Variants in DNAI3 observed in about 807,000 individuals in gnomAD.
DNAI3 encodes dynein axonemal intermediate chain 3.
Under a neutral mutation model 115.5 loss-of-function variants are expected in DNAI3, and 83 were observed. That is an observed-to-expected ratio of 0.72 (90% CI 0.60 to 0.86). The LOEUF (loss-of-function observed/expected upper bound fraction) is 0.86, where lower values mean the gene tolerates loss of function less well. DNAI3 is among the 40% of genes least tolerant of loss of function. The pLI, the probability that DNAI3 is intolerant of heterozygous loss-of-function variation, is 0.00. For synonymous variants in DNAI3, 320 were observed against 347.0 expected, an observed-to-expected ratio of 0.92 and a Z score of 0.86; for missense variants, 1,004 against 1,075.8, an observed-to-expected ratio of 0.93 and a Z score of 0.93.
chr1:85,092,597 T>C (rs1235438608), intron 8 of DNAI3, among the ~76,000 whole-genome samples: 1 of 152,172 alleles, frequency 6.6e-6, no homozygotes, highest in African/African-American at 2.4e-5. Context: ...GTAACTACTT[T>C]AAGACAGGAG....
intron 10 of DNAI3, 67 bp downstream of exon 10, chr1:85,094,622 G>GT (rs1467029590): frequency 6.4e-7 from 1 of 1,561,782 alleles, no homozygotes; most frequent in African/African-American, 1.4e-5. Flanking sequence ...ACCTTTAGCA[G>GT]TTTTTATTGC....
intron 21 of DNAI3, 133 bp downstream of exon 21, chr1:85,128,932 A>T: frequency 2.6e-6 from 2 of 755,456 alleles, no homozygotes; most frequent in Non-Finnish European, 4.3e-6. Context: ...AAATAAGAGG[A>T]TGTATTTCTG....
rs1239354654 is a variant in DNAI3 at position 85,132,924 on chromosome 1, C to G, written c.2602C>G (p.Leu868Val). The change falls in exon 23 of 23, where the codon CTG (leucine) becomes GTG (valine). Residue 868 changes from leucine to valine, a missense_variant. Physicochemically the swap from Leu to Val is conservative, Grantham distance 32 (BLOSUM62 1). Transcript: ENST00000294664. ...LKMDYESYLE[L>V]EKTVLINLGL... ...AATGGACTATGAGAGTTATCTGGAA[C>G]TGGAAAAGACTGTTCTTATCAACCT... is the stretch of plus-strand genomic sequence containing the variant. 6.2e-7 allele frequency: 1 copy of G among 1,613,762 alleles called. No homozygotes were observed. Among genetic ancestry groups the G allele is most frequent in the Non-Finnish European group, 8.5e-7 (1 of 1,179,928 alleles).
At chr1:85,097,302 G>A (rs913290629) in intron 11 of DNAI3, among the ~76,000 whole-genome samples, 2 of 152,122 alleles carry the variant, frequency 1.3e-5, no homozygotes, top group Non-Finnish European at 2.9e-5. Context: ...AAAGGGAATT[G>A]CATGACATTT....
rs66928964 is a variant in DNAI3 at position 85,112,056 on chromosome 1, C to CT, written c.1786+1932dup. Among the ~76,000 whole-genome samples, 760 of 148,606 alleles carry CT rather than the reference C, an allele frequency of 5.1e-3. 9 individuals carry two copies. Among genetic ancestry groups the CT allele is most frequent in the African/African-American group, 0.018 (709 of 40,290 alleles). The stretch of plus-strand genomic sequence containing the variant: ...TTATGTAAATCATACAGTATATACT[C>CT]TTTTTTTTTTTAAGAGATGGGGGCT... On this transcript the variant is annotated intron_variant, in intron 16 of 22. Transcript: ENST00000294664.
intron 21 of DNAI3, among the ~76,000 whole-genome samples, chr1:85,129,257 A>G (rs1442596878): frequency 6.6e-6 from 1 of 152,222 alleles, no homozygotes; most frequent in Non-Finnish European, 1.5e-5. Context: ...CCACCACCCA[A>G]GTGTTTCAAA....
rs905531059 is a variant in DNAI3 at position 85,126,378 on chromosome 1, A to T, written c.2113-133A>T. 2.5e-5 allele frequency: 22 copies of T among 889,280 alleles called. No homozygotes were observed. In the Admixed American group the frequency reaches 3.7e-4, roughly 15 times the overall value. 55.1% of individuals were successfully genotyped at this position (889,280 alleles called of 1,614,324 possible). On this transcript the variant is annotated intron_variant, in intron 19 of 22. Transcript: ENST00000294664. ...AAACCCTACAACAAAGAGAAGTAAG[A>T]CTTCCTGTGGGCATAATTTTGTTGT... is the stretch of plus-strand genomic sequence containing the variant.
intron 3 of DNAI3, among the ~76,000 whole-genome samples, chr1:85,080,034 CT>C (rs1654582373): frequency 7.5e-6 from 1 of 133,080 alleles, no homozygotes; most frequent in Non-Finnish European, 1.6e-5. Flanking sequence ...AGTTTCTTTT[CT>C]TTTTCTTTTT....
rs200151954 is a variant in DNAI3, at chr1:85,094,446, C to T, written c.1064C>T (p.Ser355Leu). The change falls in exon 10 of 23, where the codon TCG becomes TTG. Residue 355 changes from serine to leucine, a missense_variant. This residue lies in a region of DNAI3 where 550 missense variants were observed against 568.1 expected (regional missense o/e 0.97). Coordinates refer to ENST00000294664, the MANE Select transcript of DNAI3 (RefSeq NM_145172.5). ...HPTIYGLIAV[S>L]VAVRLSFEDR... is the part of the protein sequence containing the mutation. ...TTTCCATCAGGGCTAATAGCTGTGT[C>T]GGTAGCCGTGCGACTTTCTTTTGAA... 1.2e-5 allele frequency: 19 copies of T among 1,614,002 alleles called. No individual in the cohort carries two copies. The highest frequency in any genetic ancestry group is 8.0e-5 in the African/African-American group (6 of 74,914).
At chr1:85,076,655 G>T (rs567517932) in intron 3 of DNAI3, among the ~76,000 whole-genome samples, 2 of 152,222 alleles carry the variant, frequency 1.3e-5, no homozygotes, top group Admixed American at 1.3e-4. Flanking sequence ...AAACCATCAG[G>T]TCTCATGAGA....
chr1:85,072,123 C>A, intron 2 of DNAI3, 118 bp downstream of exon 2: 1 of 979,924 alleles, frequency 1.0e-6, no homozygotes, highest in Non-Finnish European at 1.5e-6. Flanking sequence ...GACATAAAGT[C>A]AAATGTATGA....
At chr1:85,099,506 G>A (rs1196214326) in intron 13 of DNAI3, 2 of 153,728 alleles carry the variant, frequency 1.3e-5, no homozygotes, top group Non-Finnish European at 2.9e-5. Context: ...AACATTCCAT[G>A]CTCATGGATA....
chr1:85,128,356 T>C (rs528191766), intron 20 of DNAI3, among the ~76,000 whole-genome samples: 65 of 152,280 alleles, frequency 4.3e-4, no homozygotes, highest in African/African-American at 1.4e-3. Context: ...TTGAAAATCT[T>C]TCCATGTGTT....
intron 7 of DNAI3, among the ~76,000 whole-genome samples, chr1:85,086,864 G>A (rs560295099): frequency 6.6e-6 from 1 of 152,012 alleles, no homozygotes; most frequent in South Asian, 2.1e-4. Flanking sequence ...GTCAGATCAT[G>A]TCACTGATCA....
At chr1:85,078,690 C>T (rs1654538219) in intron 3 of DNAI3, among the ~76,000 whole-genome samples, 1 of 152,214 alleles carries the variant, frequency 6.6e-6, no homozygotes, top group Admixed American at 6.5e-5. Context: ...AGCATCAGGC[C>T]TTGCCCTGGT....
chr1:85,113,642 CTT>C (rs113700945), intron 16 of DNAI3, among the ~76,000 whole-genome samples: 1 of 149,216 alleles, frequency 6.7e-6, no homozygotes, highest in South Asian at 2.1e-4. Flanking sequence ...GTTTTCCAAC[CTT>C]TTTTTTTTCA....
intron 3 of DNAI3, among the ~76,000 whole-genome samples, chr1:85,079,129 A>G (rs1410373549): frequency 1.3e-5 from 2 of 152,226 alleles, no homozygotes; most frequent in Admixed American, 1.3e-4. Context: ...TTCTCAGACA[A>G]AACTACAGAA....
chr1:85,129,400 C>T (rs1656247581), intron 21 of DNAI3, among the ~76,000 whole-genome samples: 1 of 152,232 alleles, frequency 6.6e-6, no homozygotes. Flanking sequence ...AGGCAAAAGG[C>T]TGTCTCTGCC....
At chr1:85,075,184 T>C (rs1230214433) in intron 3 of DNAI3, among the ~76,000 whole-genome samples, 2 of 152,148 alleles carry the variant, frequency 1.3e-5, no homozygotes, top group Admixed American at 6.5e-5. Context: ...TGAGCTACCA[T>C]GCCCAGCCCA....
Sources: gnomAD v4.1 joint callset for allele counts (sites outside exome capture counted in the v4.1 genomes callset) on GRCh38, gnomAD v4.1.1 for gene constraint, gnomAD v4.1.1 regional missense constraint, MANE v1.5 for transcripts, NCBI Gene and HGNC (gene_info 2026-07-23, HGNC 2026-07-21) for gene names.